EYA2: variants seen among roughly 807,000 people sequenced by gnomAD.
EYA2 encodes the protein protein phosphatase EYA2.
A neutral mutation model predicts 69.2 loss-of-function variants in EYA2; 31 were observed. The ratio of observed to expected loss-of-function variants is 0.45; its 90% CI spans 0.34 to 0.60. The LOEUF (loss-of-function observed/expected upper bound fraction) is 0.60. Among genes scored for constraint, EYA2 ranks in the 20% least tolerant of loss-of-function variants. The pLI is 0.02. For missense variants in EYA2, 622 were observed against 701.2 expected (o/e 0.89, Z 1.28); for synonymous variants, 257 against 279.4 (o/e 0.92, Z 0.80).
intron 1 of EYA2, among the ~76,000 whole-genome samples, chr20:46,961,720 C>T (rs1979489029): frequency 6.6e-6 from 1 of 152,204 alleles, no homozygotes; most frequent in Non-Finnish European, 1.5e-5. Flanking sequence ...CCATTCTCAG[C>T]AACATGAATG....
chr20:46,970,589 T>TA (rs923199735), intron 1 of EYA2, among the ~76,000 whole-genome samples: 3 of 152,050 alleles, frequency 2.0e-5, no homozygotes, highest in Non-Finnish European at 4.4e-5. Context: ...TAAAATAGGG[T>TA]AAAAAAACCC....
At chr20:46,968,925 T>C (rs982353919) in intron 1 of EYA2, among the ~76,000 whole-genome samples, 2 of 152,228 alleles carry the variant, frequency 1.3e-5, no homozygotes, top group South Asian at 2.1e-4. Context: ...CAGTATTACG[T>C]ATCTCATGGG....
At chr20:47,015,702 C>A (rs1403549813) in intron 4 of EYA2, among the ~76,000 whole-genome samples, 1 of 152,164 alleles carries the variant, frequency 6.6e-6, no homozygotes, top group Non-Finnish European at 1.5e-5. Flanking sequence ...ACCTTCTTGG[C>A]CTGCCTTTCC....
intron 1 of EYA2, among the ~76,000 whole-genome samples, chr20:46,912,056 AT>A (rs1984669834): frequency 6.6e-6 from 1 of 152,204 alleles, no homozygotes; most frequent in South Asian, 2.1e-4. Flanking sequence ...CCATAAATAC[AT>A]ACAATTGTTA....
In EYA2 at chr20:47,127,825, G is replaced by A. The variant is rs142028061; in HGVS notation, c.889-15234G>A. 7.2e-5 allele frequency among the ~76,000 whole-genome samples: 11 copies of A among 152,322 alleles called. No individual in the cohort carries two copies. In the East Asian group the frequency reaches 1.2e-3, roughly 16 times the overall value. ...TCTTAGAGCAAGGGCCGTAGGCTTC[G>A]TGTTTCTATCTGGAAGGACTGACCG... On this transcript the variant is annotated intron_variant, in intron 9 of 15. Coordinates refer to ENST00000327619, the MANE Select transcript of EYA2 (RefSeq NM_005244.5).
intron 9 of EYA2, among the ~76,000 whole-genome samples, chr20:47,136,517 G>A (rs1221663660): frequency 6.6e-6 from 1 of 152,162 alleles, no homozygotes; most frequent in Non-Finnish European, 1.5e-5. Flanking sequence ...GCTGAGGCAA[G>A]AGGATCACTT....
chr20:46,967,222 G>A (rs573545415), intron 1 of EYA2, among the ~76,000 whole-genome samples: 4 of 152,286 alleles, frequency 2.6e-5, no homozygotes, highest in South Asian at 2.1e-4. Flanking sequence ...GGCTGGTCTC[G>A]AACTGCTGAC....
chr20:47,161,146 G>C (rs2034057263), intron 10 of EYA2: 1 of 341,116 alleles, frequency 2.9e-6, no homozygotes, highest in South Asian at 3.2e-5. Context: ...CAGGGATGAA[G>C]TGCACCAGCA....
intron 1 of EYA2, among the ~76,000 whole-genome samples, chr20:46,903,673 C>A (rs576613787): frequency 6.6e-6 from 1 of 152,220 alleles, no homozygotes; most frequent in Non-Finnish European, 1.5e-5. Flanking sequence ...ATGCACCTTC[C>A]TCAGAAAGCT....
intron 5 of EYA2, among the ~76,000 whole-genome samples, chr20:47,042,044 C>T (rs1247383536): frequency 6.6e-6 from 1 of 151,954 alleles, no homozygotes; most frequent in Non-Finnish European, 1.5e-5. Context: ...AAATTATAGC[C>T]AAGTATCCAA....
intron 5 of EYA2, among the ~76,000 whole-genome samples, chr20:47,062,166 C>T (rs1251198746): frequency 1.3e-5 from 2 of 152,214 alleles, no homozygotes; most frequent in African/African-American, 2.4e-5. Flanking sequence ...GCATCCTGGA[C>T]GTCCAATTGT....
chr20:46,991,961 T>C (rs1981689512), intron 2 of EYA2, among the ~76,000 whole-genome samples: 2 of 84,960 alleles, frequency 2.4e-5, no homozygotes, highest in Admixed American at 1.6e-4. Context: ...GACGTGAGAC[T>C]CCGTCTCAAA....
chr20:47,126,447 G>A (rs149387626), intron 9 of EYA2, among the ~76,000 whole-genome samples: 59 of 152,290 alleles, frequency 3.9e-4, no homozygotes, highest in African/African-American at 1.3e-3. Context: ...GTACCTTCTA[G>A]CAATAAGGGC....
At chr20:47,173,661 G>C (rs2034375080) in intron 12 of EYA2, among the ~76,000 whole-genome samples, 1 of 152,020 alleles carries the variant, frequency 6.6e-6, no homozygotes. Context: ...GGCCTCAAGT[G>C]ATCTTCCCAC....
chr20:47,119,782 A>G (rs2032997606), intron 9 of EYA2, among the ~76,000 whole-genome samples: 2 of 152,164 alleles, frequency 1.3e-5, no homozygotes, highest in South Asian at 2.1e-4. Context: ...TGAAGTGTTC[A>G]CTTTAAAGTG....
At chr20:47,060,695 G>C (rs1006967596) in intron 5 of EYA2, among the ~76,000 whole-genome samples, 3 of 152,178 alleles carry the variant, frequency 2.0e-5, no homozygotes. Context: ...TTGCTCCCCA[G>C]CACTGAAGCC....
chr20:47,169,004 C>G, intron 10 of EYA2, 135 bp from the exon 11 acceptor site: 3 of 741,566 alleles, frequency 4.0e-6, no homozygotes, highest in Admixed American at 2.1e-5. Context: ...CAAATCCAGA[C>G]TAGAACCCGA....
chr20:47,130,958 G>A (rs550613788), intron 9 of EYA2, among the ~76,000 whole-genome samples: 10 of 152,138 alleles, frequency 6.6e-5, no homozygotes, highest in Middle Eastern at 3.4e-3. Context: ...GTGTAGTGGC[G>A]GGTGCCTGTA....
intron 9 of EYA2, among the ~76,000 whole-genome samples, chr20:47,137,938 A>G (rs1441962002): frequency 1.3e-5 from 2 of 148,800 alleles, no homozygotes; most frequent in South Asian, 2.2e-4. Flanking sequence ...GAATTGAACA[A>G]TGAGAACACA....
Sources: gnomAD v4.1 joint callset for allele counts (sites outside exome capture counted in the v4.1 genomes callset) on GRCh38, gnomAD v4.1.1 for gene constraint, MANE v1.5 for transcripts, NCBI Gene and HGNC (gene_info 2026-07-23, HGNC 2026-07-21) for gene names.